PAK2: variants seen among roughly 807,000 people sequenced by gnomAD.
PAK2 encodes p21 (RAC1) activated kinase 2.
In PAK2, 21 loss-of-function variants were observed where a neutral mutation model predicts 65.9. The observed-to-expected ratio is 0.32, with a 90% CI of 0.23 to 0.46. PAK2 has a LOEUF of 0.46. Among genes scored for constraint, PAK2 ranks in the 20% least tolerant of loss-of-function variants. The pLI, the probability that PAK2 is intolerant of heterozygous loss-of-function variation, is 1.00. For synonymous variants in PAK2, 204 were observed against 219.7 expected, an observed-to-expected ratio of 0.93 and a Z score of 0.63; for missense variants, 324 against 642.6, an observed-to-expected ratio of 0.50 and a Z score of 5.36.
intron 1 of PAK2, among the ~76,000 whole-genome samples, chr3:196,759,772 G>T (rs954144707): frequency 2.0e-5 from 3 of 151,876 alleles, no homozygotes; most frequent in Non-Finnish European, 2.9e-5. Context: ...TGATCTGCCC[G>T]CCTCAGCCTC....
At chr3:196,783,780 T>G (rs1459242675) in intron 2 of PAK2, among the ~76,000 whole-genome samples, 2 of 152,184 alleles carry the variant, frequency 1.3e-5, no homozygotes, top group African/African-American at 2.4e-5. Context: ...CAAATATGTA[T>G]GGTTTAGGCA....
rs776098582 is a variant in PAK2, at chr3:196,814,522, C to G, written c.1007C>G (p.Thr336Arg). The change falls in exon 11 of 15, where the codon ACA (threonine) becomes AGA (arginine). Residue 336 changes from threonine to arginine, a missense_variant. Physicochemically the swap from Thr to Arg is moderately conservative, Grantham distance 71. Around this residue, in one of 5 missense-constraint regions of PAK2, gnomAD observed 183 missense variants for 246.2 expected, o/e 0.74. Transcript: ENST00000327134. The stretch of plus-strand genomic sequence containing the variant: ...GGGGGGTCACTCACTGATGTGGTAA[C>G]AGAAACGTGCATGGATGAAGCACAG... ...LAGGSLTDVV[T>R]ETCMDEAQIA... 6.5e-7 allele frequency: 1 copy of G among 1,542,090 alleles called. No individual in the cohort carries two copies. Among genetic ancestry groups the G allele is most frequent in the Admixed American group, 1.7e-5 (1 of 57,630 alleles).
At position 196,831,395 on chromosome 3, in the gene PAK2, T is replaced by C. The variant is rs1387068790; in HGVS notation, c.*2990T>C. The stretch of plus-strand genomic sequence containing the variant: ...TGCTGCTTTTAGGGACAATTAAAAC[T>C]GGGAAACTATGAAACATGGAACATT... On this transcript the variant is annotated 3_prime_UTR_variant, in exon 15 of 15. Transcript: ENST00000327134. 1.3e-5 allele frequency: 2 copies of C among 152,198 alleles called. No homozygotes were observed. Among genetic ancestry groups the C allele is most frequent in the Non-Finnish European group, 2.9e-5 (2 of 68,042 alleles). The allele number at this position is 152,198 out of a possible 1,614,324, so 9.4% of individuals were successfully genotyped here. A position where few individuals can be genotyped will look rare whatever the true frequency, so the allele number is the denominator to read the frequency against.
At chr3:196,823,456 A>G (rs370834423) in intron 13 of PAK2, among the ~76,000 whole-genome samples, 353 of 152,202 alleles carry the variant, frequency 2.3e-3, no homozygotes, top group African/African-American at 6.6e-3. Context: ...CACCAGCGCC[A>G]AGCTCCTATC....
At chr3:196,751,692 T>TAA (rs1713599854) in intron 1 of PAK2, among the ~76,000 whole-genome samples, 3 of 83,634 alleles carry the variant, frequency 3.6e-5, no homozygotes, top group African/African-American at 2.2e-4. Flanking sequence ...TATATATATA[T>TAA]ATAATTCAGG....
chr3:196,789,382 T>C (rs1221487032), intron 2 of PAK2, among the ~76,000 whole-genome samples: 1 of 152,188 alleles, frequency 6.6e-6, no homozygotes, highest in Admixed American at 6.5e-5. Context: ...CTGAGATTAA[T>C]AATAGTAACC....
intron 1 of PAK2, among the ~76,000 whole-genome samples, chr3:196,753,745 T>A (rs1337902347): frequency 2.6e-5 from 4 of 152,174 alleles, no homozygotes; most frequent in Non-Finnish European, 4.4e-5. Context: ...CATTAATCAT[T>A]TTGTTTTTTT....
chr3:196,743,116 C>T (rs1254018900), intron 1 of PAK2, among the ~76,000 whole-genome samples: 1 of 151,510 alleles, frequency 6.6e-6, no homozygotes, highest in Admixed American at 6.6e-5. Flanking sequence ...AAAAATCCCT[C>T]ATTGCCCCCA....
chr3:196,824,263 C>G (rs1711755315), intron 13 of PAK2, among the ~76,000 whole-genome samples: 1 of 152,108 alleles, frequency 6.6e-6, no homozygotes, highest in Non-Finnish European at 1.5e-5. Context: ...TCAAATACAA[C>G]AAGATTTTAT....
Position 196,748,592 on chromosome 3 carries a change from T to C in PAK2, c.-22+8435T>C, listed in dbSNP as rs768365684. Among the ~76,000 whole-genome samples, 26 of 152,242 alleles carry C rather than the reference T, an allele frequency of 1.7e-4. 1 individual carries two copies. The highest frequency in any genetic ancestry group is 2.0e-4 in the Admixed American group (3 of 15,280). ...TGGAATTATATAGCGTGTAGCCTTT[T>C]CAACTTGGCTTCTTTCACTTAGCAG... On this transcript the variant is annotated intron_variant, in intron 1 of 14. Coordinates refer to ENST00000327134, the MANE Select transcript of PAK2 (RefSeq NM_002577.4).
intron 1 of PAK2, among the ~76,000 whole-genome samples, chr3:196,776,588 A>G (rs1714542286): frequency 6.6e-6 from 1 of 152,226 alleles, no homozygotes; most frequent in African/African-American, 2.4e-5. Flanking sequence ...TGATTTTAGC[A>G]GTTTCTCAGC....
Position 196,769,586 on chromosome 3 carries a change from C to T in PAK2, c.-21-13040C>T, listed in dbSNP as rs528439566. On this transcript the variant is annotated intron_variant, in intron 1 of 14. Coordinates refer to ENST00000327134, the MANE Select transcript of PAK2 (RefSeq NM_002577.4). ...CAGCGCTTTGGGAGGCCAAGGCGGG[C>T]GGATCACGAGGTCAGGAGATCGAGA... Among the ~76,000 whole-genome samples, 20 of 151,098 alleles carry T rather than the reference C, an allele frequency of 1.3e-4. No individual in the cohort carries two copies. The East Asian group carries it at 1.8e-3, about 13-fold the overall frequency.
intron 8 of PAK2, among the ~76,000 whole-genome samples, chr3:196,811,316 T>TCCC (rs1399015705): frequency 2.3e-4 from 1 of 4,276 alleles, no homozygotes; most frequent in Non-Finnish European, 4.5e-4. Context: ...TTCCCTTCCT[T>TCCC]TCCTTCCTTC....
intron 1 of PAK2, among the ~76,000 whole-genome samples, chr3:196,771,615 A>G (rs902795541): frequency 3.9e-5 from 6 of 152,050 alleles, no homozygotes; most frequent in Admixed American, 1.3e-4. Flanking sequence ...GCTGGAGTAC[A>G]ATGGTGCAGT....
intron 4 of PAK2, among the ~76,000 whole-genome samples, chr3:196,804,977 C>G (rs1273186514): frequency 1.3e-5 from 2 of 152,034 alleles, no homozygotes; most frequent in African/African-American, 4.8e-5. Context: ...GTTCCTCAGT[C>G]AGCAGTTTTC....
At chr3:196,750,075 C>T (rs1188498358) in intron 1 of PAK2, among the ~76,000 whole-genome samples, 3 of 151,748 alleles carry the variant, frequency 2.0e-5, no homozygotes, top group Non-Finnish European at 4.4e-5. Context: ...CAACCTCCGC[C>T]TCCTGGGTTC....
chr3:196,784,226 T>C (rs980636047), intron 2 of PAK2, among the ~76,000 whole-genome samples: 1 of 123,318 alleles, frequency 8.1e-6, no homozygotes, highest in Admixed American at 8.9e-5. Flanking sequence ...TTTTTTTCTT[T>C]TTTTTTTTTT....
intron 1 of PAK2, among the ~76,000 whole-genome samples, chr3:196,754,284 A>G (rs1713700476): frequency 6.6e-6 from 1 of 152,052 alleles, no homozygotes; most frequent in Admixed American, 6.6e-5. Flanking sequence ...TTCTTTTGCT[A>G]TTAGGATCAG....
At chr3:196,765,126 G>T (rs1200385005) in intron 1 of PAK2, among the ~76,000 whole-genome samples, 1 of 145,696 alleles carries the variant, frequency 6.9e-6, no homozygotes, top group Non-Finnish European at 1.5e-5. Context: ...TTACAGGCAT[G>T]AGCCACCGTG....
Sources: allele counts gnomAD v4.1 joint callset (sites outside exome capture counted in the v4.1 genomes callset), GRCh38; gene constraint gnomAD v4.1.1; regional missense constraint gnomAD v4.1.1; transcripts MANE v1.5; gene names NCBI Gene and HGNC (gene_info 2026-07-23, HGNC 2026-07-21).